TNNT1: variants seen among roughly 807,000 people sequenced by gnomAD.
The protein encoded by TNNT1 is troponin T1, slow skeletal type.
In TNNT1, 53 loss-of-function variants were observed where a neutral mutation model predicts 50.6. The ratio of observed to expected loss-of-function variants is 1.05; its 90% CI spans 0.84 to 1.32. The LOEUF is 1.32. TNNT1 is among the 40% of genes most tolerant of loss of function. The pLI is 0.00. For missense variants in TNNT1, 348 were observed against 381.7 expected (o/e 0.91, Z 0.74); for synonymous variants, 142 against 138.0 (o/e 1.03, Z -0.20).
intron 13 of TNNT1, 49 bp downstream of exon 13, chr19:55,133,834 GAGTC>G (rs1291584950): frequency 1.2e-5 from 19 of 1,609,508 alleles, no homozygotes; most frequent in Non-Finnish European, 1.5e-5. Flanking sequence ...AGAGGCCTGA[GAGTC>G]AGCGGGAGGG....
chr19:55,143,066 G>A (rs994205391), intron 6 of TNNT1, among the ~76,000 whole-genome samples: 47 of 151,954 alleles, frequency 3.1e-4, no homozygotes, highest in African/African-American at 1.1e-3. Flanking sequence ...CTACTCAGGA[G>A]GCTGAGGCAG....
rs577610844 is a variant in TNNT1 at position 55,145,147 on chromosome 19, A to C, written c.128+397T>G. 1.8e-3 allele frequency among the ~76,000 whole-genome samples: 270 copies of C among 149,484 alleles called. 1 individual carries two copies. The highest frequency in any genetic ancestry group is 6.0e-3 in the African/African-American group (235 of 39,306). The stretch of plus-strand genomic sequence containing the variant: ...CATCTCTACAAAAAGAAAAAAAAAA[A>C]AAAAAACCAGGTGTGGTGGCACATG... On this transcript the variant is annotated intron_variant, in intron 6 of 13. Transcript: ENST00000588981.
rs575997752 is a variant in TNNT1 at position 55,135,828 on chromosome 19, A to G, written c.611+1275T>C. 2.6e-5 allele frequency among the ~76,000 whole-genome samples: 4 copies of G among 152,146 alleles called. No individual in the cohort carries two copies. The South Asian group carries it at 8.3e-4, about 32-fold the overall frequency. The stretch of plus-strand genomic sequence containing the variant: ...GAGCCGCCGCGCCCGCCCGGCCAAC[A>G]ATACTTTACATGAACCATGTGCACA... On this transcript the variant is annotated intron_variant, in intron 11 of 13. Coordinates refer to ENST00000588981, the MANE Select transcript of TNNT1 (RefSeq NM_003283.6).
chr19:55,146,378 G>A (rs536715702), intron 5 of TNNT1, 56 bp downstream of exon 5: 44 of 1,305,502 alleles, frequency 3.4e-5, no homozygotes, highest in Non-Finnish European at 4.0e-5. Flanking sequence ...CGAGGATATC[G>A]GGGGTCCCCC....
chr19:55,145,644 G>C (rs2085535582), intron 5 of TNNT1, 79 bp from the exon 6 acceptor site: 1 of 1,549,896 alleles, frequency 6.5e-7, no homozygotes, highest in Non-Finnish European at 8.9e-7. Context: ...ACCCTGGGGA[G>C]GGACCCCCCA....
intron 11 of TNNT1, 46 bp from the exon 12 acceptor site, chr19:55,134,250 G>A: frequency 3.9e-6 from 6 of 1,538,546 alleles, no homozygotes; most frequent in Non-Finnish European, 5.3e-6. Flanking sequence ...GAGGTTGTGG[G>A]AACCACCCAA....
intron 6 of TNNT1, among the ~76,000 whole-genome samples, chr19:55,143,129 A>G (rs1386067981): frequency 1.3e-5 from 2 of 151,058 alleles, no homozygotes; most frequent in South Asian, 2.1e-4. Flanking sequence ...AGATCGTGCC[A>G]TCGCACTCCA....
At chr19:55,136,061 A>C (rs572456568) in intron 11 of TNNT1, among the ~76,000 whole-genome samples, 1 of 152,310 alleles carries the variant, frequency 6.6e-6, no homozygotes, top group East Asian at 1.9e-4. Context: ...GCCACTTTAC[A>C]GCACACTAGC....
At chr19:55,135,524 CCT>C in intron 11 of TNNT1, 3 of 231,476 alleles carry the variant, frequency 1.3e-5, no homozygotes, top group South Asian at 4.0e-5. Flanking sequence ...CTCACCTCAG[CCT>C]TTTTTTTTTT....
chr19:55,141,767 C>T (rs1375141845), intron 7 of TNNT1, 90 bp downstream of exon 7: 4 of 1,494,946 alleles, frequency 2.7e-6, no homozygotes, highest in Non-Finnish European at 3.7e-6. Context: ...GGCATGAGGC[C>T]CCGCGCCCGG....
At chr19:55,142,208 C>T (rs895569006) in intron 6 of TNNT1, among the ~76,000 whole-genome samples, 3 of 151,920 alleles carry the variant, frequency 2.0e-5, no homozygotes, top group Non-Finnish European at 2.9e-5. Flanking sequence ...GCAAGCTCCG[C>T]CTCCTGGGTT....
chr19:55,144,061 CA>C lies in TNNT1; in HGVS notation c.128+1482del, dbSNP rs1362832339. 1.9e-3 allele frequency among the ~76,000 whole-genome samples: 287 copies of C among 147,810 alleles called. 2 individuals are homozygous for C. Among genetic ancestry groups the C allele is most frequent in the African/African-American group, 6.8e-3 (271 of 40,070 alleles). On this transcript the variant is annotated intron_variant, in intron 6 of 13. Transcript: ENST00000588981. ...TCCCTCTCAGTCCATTCCCCCACCC[CA>C]CCCCACCCCCTTTTTTTTTTTTTGA...
intron 6 of TNNT1, among the ~76,000 whole-genome samples, chr19:55,145,075 C>T (rs991285760): frequency 5.4e-5 from 8 of 149,532 alleles, no homozygotes; most frequent in Admixed American, 2.0e-4. Flanking sequence ...GGGAGAACTG[C>T]TTGAGGATAG....
intron 6 of TNNT1, among the ~76,000 whole-genome samples, chr19:55,145,151 A>C (rs900056339): frequency 2.0e-5 from 3 of 149,402 alleles, no homozygotes; most frequent in Non-Finnish European, 2.9e-5. Context: ...AAAAAAAAAA[A>C]AACCAGGTGT....
chr19:55,145,236 C>A (rs1003129858), intron 6 of TNNT1, among the ~76,000 whole-genome samples: 3 of 151,568 alleles, frequency 2.0e-5, no homozygotes, highest in African/African-American at 7.3e-5. Context: ...GATGTTGAGG[C>A]AGTGGGCCAG....
intron 6 of TNNT1, 55 bp downstream of exon 6, chr19:55,145,489 G>A (rs1599891455): frequency 6.4e-7 from 1 of 1,572,008 alleles, no homozygotes; most frequent in South Asian, 1.1e-5. Flanking sequence ...TCTGGGGGTA[G>A]AGGGAATATT....
At chr19:55,149,016 C>G (rs2085631529) in intron 1 of TNNT1, 145 bp downstream of exon 1, 3 of 386,420 alleles carry the variant, frequency 7.8e-6, no homozygotes. Flanking sequence ...AAAGTCTGAG[C>G]CTCTCAAGTT....
chr19:55,141,830 C>A (rs1339915047), intron 7 of TNNT1, 27 bp downstream of exon 7: 1 of 1,613,220 alleles, frequency 6.2e-7, no homozygotes, highest in Non-Finnish European at 8.5e-7. Flanking sequence ...AGCAACTGCG[C>A]CTGCGGAGGG....
In TNNT1 at chr19:55,141,216, TTCC is replaced by T; in HGVS notation, c.276_278del (p.Glu95del). 1.2e-6 allele frequency: 2 copies of T among 1,614,226 alleles called. No homozygotes were observed. Among genetic ancestry groups the T allele is most frequent in the South Asian group, 1.1e-5 (1 of 91,090 alleles). ...GCTCCTTCAAGGCAACCAGCTCCTC[TTCC>T]TCCTTCTTCCGCTGCTCGAAATGTA... On this transcript the variant is annotated inframe_deletion, in exon 8 of 14. Coordinates refer to ENST00000588981, the MANE Select transcript of TNNT1 (RefSeq NM_003283.6).
Sources: gnomAD v4.1 joint callset for allele counts (sites outside exome capture counted in the v4.1 genomes callset) on GRCh38, gnomAD v4.1.1 for gene constraint, MANE v1.5 for transcripts, NCBI Gene and HGNC (gene_info 2026-07-23, HGNC 2026-07-21) for gene names.